Variants in ERCC6L2 observed in about 807,000 individuals in gnomAD.
ERCC6L2 encodes ERCC excision repair 6 like 2, also known as DNA excision repair protein ERCC-6-like 2.
In ERCC6L2, 77 loss-of-function variants were observed where a neutral mutation model predicts 132.0. The ratio of observed to expected loss-of-function variants is 0.58; its 90% CI spans 0.49 to 0.71. The LOEUF (loss-of-function observed/expected upper bound fraction) is 0.71. Among genes scored for constraint, ERCC6L2 ranks in the 30% least tolerant of loss-of-function variants. The pLI is 0.00. For synonymous variants in ERCC6L2, 583 were observed against 632.4 expected (o/e 0.92, Z 1.17); for missense variants, 1,542 against 1,837.6 (o/e 0.84, Z 2.94).
intron 17 of ERCC6L2, among the ~76,000 whole-genome samples, chr9:95,991,159 C>T (rs556639993): frequency 6.6e-6 from 1 of 152,016 alleles, no homozygotes; most frequent in African/African-American, 2.4e-5. Flanking sequence ...AGAAAGGCAA[C>T]GTTTGGGTGG....
At chr9:95,941,005 T>A (rs111574819) in intron 11 of ERCC6L2, among the ~76,000 whole-genome samples, 7 of 152,318 alleles carry the variant, frequency 4.6e-5, no homozygotes, top group African/African-American at 1.7e-4. Context: ...TCTCTGTACC[T>A]TTCAGAGTTT....
At chr9:95,965,275 CTTAA>C (rs1832100622) in intron 13 of ERCC6L2, among the ~76,000 whole-genome samples, 1 of 152,046 alleles carries the variant, frequency 6.6e-6, no homozygotes, top group African/African-American at 2.4e-5. Flanking sequence ...GAGCAAGTCA[CTTAA>C]TTTCTCTAAA....
intron 17 of ERCC6L2, among the ~76,000 whole-genome samples, chr9:95,994,435 G>A (rs1412430019): frequency 6.6e-6 from 1 of 152,212 alleles, no homozygotes; most frequent in African/African-American, 2.4e-5. Flanking sequence ...GGTTATGGAA[G>A]AGTTGGTGCA....
downstream of ERCC6L2, chr9:96,020,971 C>A (rs1382080337): frequency 6.6e-6 from 3 of 456,458 alleles, no homozygotes; most frequent in African/African-American, 6.0e-5. Flanking sequence ...GCGGAGGGAA[C>A]GGCGCACCGG....
At chr9:96,001,064 C>T (rs1006684722) in intron 17 of ERCC6L2, among the ~76,000 whole-genome samples, 1 of 151,908 alleles carries the variant, frequency 6.6e-6, no homozygotes, top group Non-Finnish European at 1.5e-5. Context: ...TGTTACAGCT[C>T]TTAAGGCAGC....
Position 96,017,769 on chromosome 9 carries a change from A to G in ERCC6L2, c.*4566A>G, listed in dbSNP as rs191146717. 2.5e-4 allele frequency among the ~76,000 whole-genome samples: 38 copies of G among 152,328 alleles called. No homozygotes were observed. Among genetic ancestry groups the G allele is most frequent in the Admixed American group, 9.1e-4 (14 of 15,310 alleles). On this transcript the variant is annotated 3_prime_UTR_variant, in exon 19 of 19. Transcript: ENST00000653738. Reference sequence around the variant, plus strand: ...ACTGTGTGCTTTTTGTTGTTGTTACATTCCTATAAAAATGTCCACGCATAT... The same window carrying G: ...ACTGTGTGCTTTTTGTTGTTGTTACGTTCCTATAAAAATGTCCACGCATAT...
intron 13 of ERCC6L2, among the ~76,000 whole-genome samples, chr9:95,964,381 T>C (rs1344453352): frequency 5.9e-5 from 9 of 152,296 alleles, no homozygotes; most frequent in Admixed American, 3.3e-4. Flanking sequence ...TTTACTGTGG[T>C]AGGCTGAATA....
chr9:95,915,610 G>A, intron 4 of ERCC6L2, 58 bp from the exon 5 acceptor site: 1 of 1,500,106 alleles, frequency 6.7e-7, no homozygotes, highest in Non-Finnish European at 9.0e-7. Context: ...GTCTAAAATT[G>A]TAAGGACTAA....
At chr9:95,970,484 T>A in intron 14 of ERCC6L2, 92 bp from the exon 15 acceptor site, 1 of 614,682 alleles carries the variant, frequency 1.6e-6, no homozygotes, top group Non-Finnish European at 2.3e-6. Context: ...CTTTCTTAGC[T>A]CCAAGAATAG....
intron 1 of ERCC6L2, among the ~76,000 whole-genome samples, chr9:95,877,972 G>A (rs1332142936): frequency 6.6e-6 from 1 of 152,150 alleles, no homozygotes; most frequent in Admixed American, 6.5e-5. Flanking sequence ...CAGTGGACAT[G>A]ATAATTAAAT....
intron 2 of ERCC6L2, among the ~76,000 whole-genome samples, chr9:95,891,767 C>T (rs368634189): frequency 9.2e-5 from 14 of 151,982 alleles, no homozygotes; most frequent in South Asian, 2.1e-4. Context: ...TATTTCATTA[C>T]GGTTTTGATT....
At chr9:95,895,706 T>C (rs1349312611) in intron 2 of ERCC6L2, among the ~76,000 whole-genome samples, 1 of 151,610 alleles carries the variant, frequency 6.6e-6, no homozygotes, top group Non-Finnish European at 1.5e-5. Flanking sequence ...TCCTTCTGAC[T>C]CATATACATT....
rs778048200 is a variant in ERCC6L2 at position 95,907,242 on chromosome 9, A to G, written c.759A>G (p.Thr253=). The G allele has an allele frequency of 1.2e-6, 2 of 1,612,632 alleles. No homozygotes were observed. Among genetic ancestry groups the G allele is most frequent in the Non-Finnish European group, 1.7e-6 (2 of 1,179,556 alleles). ...AAATTGCTCTAACAACTTATGAAAC[A>G]CTACGCTTATGCCTGGATGAACTTA... ...KCEIALTTYE[T]LRLCLDELNS... The change falls in exon 4 of 19, where the codon ACA becomes ACG. Residue 253 remains threonine, a synonymous_variant. Coordinates refer to ENST00000653738, the MANE Select transcript of ERCC6L2 (RefSeq NM_020207.7).
chr9:95,994,084 A>G (rs1163422562), intron 17 of ERCC6L2, among the ~76,000 whole-genome samples: 1 of 152,198 alleles, frequency 6.6e-6, no homozygotes, highest in Non-Finnish European at 1.5e-5. Context: ...CAAACCTTGA[A>G]TGATGTTGAG....
At chr9:95,921,834 G>C (rs1417469028) in intron 7 of ERCC6L2, among the ~76,000 whole-genome samples, 3 of 152,064 alleles carry the variant, frequency 2.0e-5, no homozygotes, top group African/African-American at 4.8e-5. Flanking sequence ...TCACATATCT[G>C]TGTACGTAGA....
chr9:96,035,187 G>A (rs112223464), intron 19 of ERCC6L2, among the ~76,000 whole-genome samples: 45 of 152,300 alleles, frequency 3.0e-4, no homozygotes, highest in African/African-American at 1.1e-3. Context: ...TGAGCCTGGG[G>A]CCATGAATGG....
intron 17 of ERCC6L2, among the ~76,000 whole-genome samples, chr9:95,978,716 T>A (rs1295437324): frequency 6.6e-6 from 1 of 152,190 alleles, no homozygotes; most frequent in Non-Finnish European, 1.5e-5. Flanking sequence ...GTTGTGATAT[T>A]TTTGTTTATA....
intron 6 of ERCC6L2, chr9:95,918,466 G>A (rs1445279614): frequency 6.1e-6 from 3 of 488,862 alleles, no homozygotes; most frequent in African/African-American, 3.9e-5. Flanking sequence ...GGTCCTGCAG[G>A]TCTGTTGGCT....
intron 17 of ERCC6L2, among the ~76,000 whole-genome samples, chr9:96,001,770 G>A (rs893900923): frequency 6.6e-6 from 1 of 152,266 alleles, no homozygotes; most frequent in Non-Finnish European, 1.5e-5. Flanking sequence ...GGAGCAGGGG[G>A]TGGCGCTCGT....
Sources: gnomAD v4.1 joint callset for allele counts (sites outside exome capture counted in the v4.1 genomes callset) on GRCh38, gnomAD v4.1.1 for gene constraint, MANE v1.5 for transcripts, NCBI Gene and HGNC (gene_info 2026-07-23, HGNC 2026-07-21) for gene names.